HELQ: variants seen among roughly 807,000 people sequenced by gnomAD.
The protein encoded by HELQ is helicase, POLQ like.
A neutral mutation model predicts 111.6 loss-of-function variants in HELQ; 77 were observed. The ratio of observed to expected loss-of-function variants is 0.69; its 90% CI spans 0.57 to 0.83. The LOEUF is 0.83. Among genes scored for constraint, HELQ ranks in the 40% least tolerant of loss-of-function variants. HELQ has a pLI of 0.00. For missense variants in HELQ, 1,200 were observed against 1,288.5 expected (o/e 0.93, Z 1.05); for synonymous variants, 438 against 454.7 (o/e 0.96, Z 0.47).
Position 83,429,593 on chromosome 4 carries a change from T to C in HELQ, c.2449A>G (p.Ile817Val). ...TGGACCTCTTCTTCAGACTTATAAA[T>C]AGTGTCTTTTTGTAGGAGTCCTTTT... Reference protein sequence around the residue: ...TEKGLLQKDTIYKSEEEVQYN... With the variant: ...TEKGLLQKDTVYKSEEEVQYN... The change falls in exon 12 of 18, where the codon ATT becomes GTT. Residue 817 changes from isoleucine (I) to valine (V), a missense_variant. By Grantham distance (29) the Ile-to-Val change is conservative (BLOSUM62 3). Transcript: ENST00000295488. 1 of 1,612,842 alleles carries C rather than the reference T, an allele frequency of 6.2e-7. No individual in the cohort carries two copies. Among genetic ancestry groups the C allele is most frequent in the Non-Finnish European group, 8.5e-7 (1 of 1,179,100 alleles).
At chr4:83,438,675 G>A (rs1720590368) in intron 8 of HELQ, among the ~76,000 whole-genome samples, 1 of 147,602 alleles carries the variant, frequency 6.8e-6, no homozygotes, top group Non-Finnish European at 1.5e-5. Flanking sequence ...CCAGGAGACA[G>A]AGGCTGCAGT....
In HELQ at chr4:83,429,589, T is replaced by A; in HGVS notation, c.2453A>T (p.Tyr818Phe). 6.2e-7 allele frequency: 1 copy of A among 1,612,992 alleles called. No homozygotes were observed. Among genetic ancestry groups the A allele is most frequent in the Non-Finnish European group, 8.5e-7 (1 of 1,179,252 alleles). Residue 818 changes from tyrosine to phenylalanine, a missense_variant, in exon 12 of 18, where the codon TAT (tyrosine) becomes TTT (phenylalanine). Physicochemically the swap from Tyr to Phe is conservative, Grantham distance 22. Coordinates refer to ENST00000295488, the MANE Select transcript of HELQ (RefSeq NM_133636.5). ...ATATTGGACCTCTTCTTCAGACTTA[T>A]AAATAGTGTCTTTTTGTAGGAGTCC... ...EKGLLQKDTI[Y>F]KSEEEVQYNF...
chr4:83,455,386 G>C lies in HELQ; in HGVS notation c.297+11C>G. 1 of 1,603,282 alleles carries C rather than the reference G, an allele frequency of 6.2e-7. No homozygotes were observed. The highest frequency in any genetic ancestry group is 1.1e-5 in the South Asian group (1 of 90,936). ...AAAAGTTTGCAGTTTCAAGTTCCAAGTCCTCCGTACCTGGTCTCCCACCCC... is the reference window on the plus strand; with the variant it reads ...AAAAGTTTGCAGTTTCAAGTTCCAACTCCTCCGTACCTGGTCTCCCACCCC... On this transcript the variant is annotated intron_variant, in intron 1 of 17. Coordinates refer to ENST00000295488, the MANE Select transcript of HELQ (RefSeq NM_133636.5).
chr4:83,425,834 G>T (rs954905801), intron 14 of HELQ, among the ~76,000 whole-genome samples, 160 bp downstream of exon 14: 1 of 152,112 alleles, frequency 6.6e-6, no homozygotes, highest in African/African-American at 2.4e-5. Flanking sequence ...GGGTGCTCAG[G>T]TATGTTTTAA....
chr4:83,443,455 T>C, intron 6 of HELQ, 62 bp downstream of exon 6: 1 of 764,442 alleles, frequency 1.3e-6, no homozygotes, highest in Non-Finnish European at 2.1e-6. Flanking sequence ...TGTTTACTAC[T>C]TTCATTTCTA....
chr4:83,429,352 T>C (rs1332660759), intron 12 of HELQ, among the ~76,000 whole-genome samples, 172 bp downstream of exon 12: 2 of 152,146 alleles, frequency 1.3e-5, no homozygotes, highest in Non-Finnish European at 2.9e-5. Context: ...TTTTACTATA[T>C]TGGCCAGGCT....
intron 2 of HELQ, among the ~76,000 whole-genome samples, chr4:83,450,227 A>AAAAG: frequency 9.4e-6 from 1 of 106,124 alleles, no homozygotes; most frequent in Non-Finnish European, 1.6e-5. Context: ...AAGTTTAAAA[A>AAAAG]AAAAAAAAAA....
chr4:83,455,216 G>A, intron 1 of HELQ, 181 bp downstream of exon 1: 1 of 1,299,814 alleles, frequency 7.7e-7, no homozygotes. Context: ...TTTATGTCTC[G>A]GGGTTTACAT....
In HELQ at chr4:83,443,451, C is replaced by T. The variant is rs6845316; in HGVS notation, c.1563+66G>A. On this transcript the variant is annotated intron_variant, in intron 6 of 17. Coordinates refer to ENST00000295488, the MANE Select transcript of HELQ (RefSeq NM_133636.5). ...CAGAATTCTTTAAATCCTATGTTTA[C>T]TACTTTCATTTCTAAGTTAGATGAA... is the stretch of plus-strand genomic sequence containing the variant. 59,609 of 716,176 alleles carry T rather than the reference C, an allele frequency of 0.083. 3,070 individuals carry two copies. The highest frequency in any genetic ancestry group is 0.16 in the Middle Eastern group (522 of 3,306). 44.4% of individuals were successfully genotyped at this position (716,176 alleles called of 1,614,324 possible). A position where few individuals can be genotyped will look rare whatever the true frequency, so the allele number is the denominator to read the frequency against.
chr4:83,453,268 G>A lies in HELQ; in HGVS notation c.975C>T (p.Asp325=), dbSNP rs1457696317. 4 of 1,612,784 alleles carry A rather than the reference G, an allele frequency of 2.5e-6. No individual in the cohort carries two copies. In the South Asian group the frequency reaches 3.3e-5, roughly 13 times the overall value. The stretch of plus-strand genomic sequence containing the variant: ...CAATTCCCTTGAATTGGGCATAAAG[G>A]TCTCTCACTTTGCTGGGTAATGAAT... ...PFYSLPSKVR[D]LYAQFKGIEK... is the part of the protein sequence containing the mutation. The change falls in exon 2 of 18, where the codon GAC becomes GAT. Residue 325 remains aspartate, a synonymous_variant. Coordinates refer to ENST00000295488, the MANE Select transcript of HELQ (RefSeq NM_133636.5).
chr4:83,418,291 A>C, intron 15 of HELQ, 85 bp from the exon 16 acceptor site: 1 of 664,272 alleles, frequency 1.5e-6, no homozygotes, highest in Non-Finnish European at 2.6e-6. Flanking sequence ...CTCAGAGAGA[A>C]TGTTCCTTAC....
Position 83,431,763 on chromosome 4 carries a change from C to T in HELQ, c.2196G>A (p.Leu732=). 7.0e-7 allele frequency: 1 copy of T among 1,435,968 alleles called. No individual in the cohort carries two copies. Among genetic ancestry groups the T allele is most frequent in the Non-Finnish European group, 9.4e-7 (1 of 1,062,882 alleles). The allele number at this position is 1,435,968 out of a possible 1,614,324, so 89.0% of individuals were successfully genotyped here. Residue 732 remains leucine, a synonymous_variant, in exon 11 of 18, where the codon TTG becomes TTA. Coordinates refer to ENST00000295488, the MANE Select transcript of HELQ (RefSeq NM_133636.5). ...ILQEKDKQQV[L]ELITKPLENC... is the part of the protein sequence containing the mutation. ...TTTCCAATGGTTTAGTTATTAACTC[C>T]AATACCTATAAAGGTTAAAGCAAAA...
chr4:83,415,775 G>T (rs1449181268), intron 17 of HELQ, among the ~76,000 whole-genome samples: 1 of 151,924 alleles, frequency 6.6e-6, no homozygotes, highest in Non-Finnish European at 1.5e-5. Flanking sequence ...TGGGATTACA[G>T]GTGTGGGCCT....
chr4:83,435,771 T>G (rs557208269), intron 9 of HELQ, among the ~76,000 whole-genome samples: 1 of 152,272 alleles, frequency 6.6e-6, no homozygotes, highest in African/African-American at 2.4e-5. Flanking sequence ...AGCCTCTTTT[T>G]ATGTTCAGGA....
chr4:83,450,018 A>C (rs1215408332), intron 2 of HELQ, among the ~76,000 whole-genome samples: 1 of 151,846 alleles, frequency 6.6e-6, no homozygotes, highest in Non-Finnish European at 1.5e-5. Context: ...ATTGCCTTTG[A>C]TCTGGTAGTA....
At chr4:83,437,188 A>G (rs1372647009) in intron 8 of HELQ, 91 bp from the exon 9 acceptor site, 1 of 1,203,336 alleles carries the variant, frequency 8.3e-7, no homozygotes, top group East Asian at 2.3e-5. Context: ...TAATGTAAAC[A>G]TTCTTTAATG....
At chr4:83,429,503 A>G in intron 12 of HELQ, 21 bp downstream of exon 12, 1 of 1,453,400 alleles carries the variant, frequency 6.9e-7, no homozygotes, top group Admixed American at 1.9e-5. Flanking sequence ...TATGATCAAT[A>G]AGATTTAGGT....
intron 17 of HELQ, among the ~76,000 whole-genome samples, chr4:83,412,640 A>G (rs1053946941): frequency 2.0e-5 from 3 of 152,194 alleles, no homozygotes; most frequent in African/African-American, 7.2e-5. Context: ...AGCCTGGGCA[A>G]CATAGCAAAA....
At chr4:83,455,163 A>G in intron 1 of HELQ, 2 of 706,930 alleles carry the variant, frequency 2.8e-6, no homozygotes, top group Non-Finnish European at 4.4e-6. Flanking sequence ...GGAAGCCTAG[A>G]TTTGTGTCTC....
Sources: gnomAD v4.1 joint callset for allele counts (sites outside exome capture counted in the v4.1 genomes callset) on GRCh38, gnomAD v4.1.1 for gene constraint, MANE v1.5 for transcripts, NCBI Gene and HGNC (gene_info 2026-07-23, HGNC 2026-07-21) for gene names.